LRP8: variants seen among roughly 807,000 people sequenced by gnomAD.
LRP8 encodes LDL receptor related protein 8.
In LRP8, 46 loss-of-function variants were observed where a neutral mutation model predicts 111.6. The ratio of observed to expected loss-of-function variants is 0.41; its 90% confidence interval spans 0.33 to 0.53. The LOEUF is 0.53. Ranked by LOEUF, LRP8 falls within the 20% of genes least tolerant of loss-of-function variation. The pLI is 0.20. For synonymous variants in LRP8, 464 were observed against 511.2 expected (o/e 0.91, Z 1.24); for missense variants, 959 against 1,297.4 (o/e 0.74, Z 4.01).
intron 2 of LRP8, 142 bp downstream of exon 2, chr1:53,326,731 G>C: frequency 7.3e-7 from 1 of 1,365,370 alleles, no homozygotes; most frequent in South Asian, 1.5e-5. Context: ...GCGGTGCCCA[G>C]GCGGTTTCCC....
intron 2 of LRP8, among the ~76,000 whole-genome samples, chr1:53,299,924 C>T (rs1479949234): frequency 1.3e-5 from 2 of 152,240 alleles, no homozygotes; most frequent in Admixed American, 1.3e-4. Flanking sequence ...CACCACCAGG[C>T]CCAGAGTGGG....
rs536807856 is a variant in LRP8 at position 53,276,865 on chromosome 1, C to A, written c.710G>T (p.Arg237Leu). The change falls in exon 5 of 19, where the codon CGC becomes CTC. Residue 237 changes from arginine (R) to leucine (L), a missense_variant. Coordinates refer to ENST00000306052, the MANE Select transcript of LRP8 (RefSeq NM_004631.5). ...VCDRQFDCED[R>L]SDEAAELCGR... Reference sequence around the variant, plus strand: ...GCAGAGCTCGGCTGCCTCGTCCGAGCGGTCCTCGCAGTCAAACTGGCGGTC... The same window carrying A: ...GCAGAGCTCGGCTGCCTCGTCCGAGAGGTCCTCGCAGTCAAACTGGCGGTC... 1 of 1,377,356 alleles carries A rather than the reference C, an allele frequency of 7.3e-7. No homozygotes were observed. The highest frequency in any genetic ancestry group is 9.4e-7 in the Non-Finnish European group (1 of 1,068,006). The allele number at this position is 1,377,356 out of a possible 1,614,324, so 85.3% of individuals were successfully genotyped here. A position where few individuals can be genotyped will look rare whatever the true frequency, so the allele number is the denominator to read the frequency against.
intron 2 of LRP8, among the ~76,000 whole-genome samples, chr1:53,326,583 C>T (rs1213203172): frequency 6.6e-6 from 1 of 151,648 alleles, no homozygotes; most frequent in African/African-American, 2.4e-5. Flanking sequence ...TCCCCGCCCA[C>T]AGCTCCGGTT....
chr1:53,255,056 C>G, intron 16 of LRP8, 61 bp downstream of exon 16: 1 of 1,568,774 alleles, frequency 6.4e-7, no homozygotes, highest in Non-Finnish European at 8.7e-7. Flanking sequence ...CCTGCTAGCG[C>G]TCTTCCCTAG....
rs1645692103 is a variant in LRP8 at position 53,244,590 on chromosome 1, TAGCATATGCAGGAAACATGAATGTC to T, written c.*2403_*2427del. 1 of 152,246 alleles carries T rather than the reference TAGCATATGCAGGAAACATGAATGTC, an allele frequency of 6.6e-6. No individual in the cohort carries two copies. Among genetic ancestry groups the T allele is most frequent in the South Asian group, 2.1e-4 (1 of 4,834 alleles). The allele number at this position is 152,246 out of a possible 1,614,324, so 9.4% of individuals were successfully genotyped here. A position where few individuals can be genotyped will look rare whatever the true frequency, so the allele number is the denominator to read the frequency against. On this transcript the variant is annotated 3_prime_UTR_variant, in exon 19 of 19. Coordinates refer to ENST00000306052, the MANE Select transcript of LRP8 (RefSeq NM_004631.5). ...TGCTGCCTCTTTCAAACTGCAGTTGTAGCATATGCAGGAAACATGAATGTCTCTGAGAAAAAGTTGTGAATTTCAT... is the reference window on the plus strand; with the variant it reads ...TGCTGCCTCTTTCAAACTGCAGTTGTTCTGAGAAAAAGTTGTGAATTTCAT...
Position 53,260,466 on chromosome 1 carries a change from C to T in LRP8, c.2054G>A (p.Arg685Lys). ...ACCTAGGACCAGAGACAGCTCACCT[C>T]TTGGCTGCTTCAGCTCATGGAAGAT... ...IVIFHELKQP[R>K]APDACELSVQ... Residue 685 changes from arginine to lysine, a missense_variant and splice_region_variant, in exon 13 of 19, where the codon AGA (arginine) becomes AAA (lysine). By Grantham distance (26) the Arg-to-Lys change is conservative. This residue lies in a region of LRP8 where 819 missense variants were observed against 1,097.6 expected (regional missense o/e 0.75). Coordinates refer to ENST00000306052, the MANE Select transcript of LRP8 (RefSeq NM_004631.5). 6.2e-7 allele frequency: 1 copy of T among 1,614,016 alleles called. No individual in the cohort carries two copies. The highest frequency in any genetic ancestry group is 1.1e-5 in the South Asian group (1 of 91,072).
At chr1:53,285,793 G>C (rs1008704293) in intron 3 of LRP8, among the ~76,000 whole-genome samples, 6 of 152,274 alleles carry the variant, frequency 3.9e-5, no homozygotes, top group Admixed American at 1.3e-4. Flanking sequence ...GCCCCCGGAG[G>C]GGACCATATG....
chr1:53,308,903 G>T (rs1251943091), intron 2 of LRP8, among the ~76,000 whole-genome samples: 1 of 152,180 alleles, frequency 6.6e-6, no homozygotes, highest in Admixed American at 6.5e-5. Flanking sequence ...ACGTGACCCT[G>T]GGTGTTTCCC....
chr1:53,264,126 G>C, intron 10 of LRP8, 43 bp downstream of exon 10: 4 of 1,575,812 alleles, frequency 2.5e-6, no homozygotes, highest in Non-Finnish European at 3.5e-6. Flanking sequence ...AGAGGACTGA[G>C]CACCTATGGT....
At chr1:53,306,755 C>T (rs1652041850) in intron 2 of LRP8, among the ~76,000 whole-genome samples, 1 of 152,228 alleles carries the variant, frequency 6.6e-6, no homozygotes, top group African/African-American at 2.4e-5. Context: ...ACCTCCTGGC[C>T]TGCTCCTCAG....
chr1:53,278,532 C>T (rs759820987), intron 4 of LRP8, among the ~76,000 whole-genome samples: 3 of 152,218 alleles, frequency 2.0e-5, no homozygotes, highest in Admixed American at 6.5e-5. Flanking sequence ...TCGTGTCATG[C>T]GTTTCTGACA....
intron 3 of LRP8, among the ~76,000 whole-genome samples, chr1:53,284,772 T>A (rs1317711870): frequency 1.3e-5 from 2 of 152,224 alleles, no homozygotes; most frequent in African/African-American, 4.8e-5. Flanking sequence ...CAGCAGTGCC[T>A]GATAACAGCC....
chr1:53,269,042 G>A (rs1464398330), intron 8 of LRP8, among the ~76,000 whole-genome samples: 1 of 152,154 alleles, frequency 6.6e-6, no homozygotes, highest in East Asian at 1.9e-4. Context: ...AGCCCTCAAT[G>A]GTTTCCCCCC....
rs1044422994 is a variant in LRP8 at position 53,303,870 on chromosome 1, G to A, written c.245-14181C>T. Among the ~76,000 whole-genome samples, 6 of 152,186 alleles carry A rather than the reference G, an allele frequency of 3.9e-5. No homozygotes were observed. The highest frequency in any genetic ancestry group is 6.5e-5 in the Admixed American group (1 of 15,280). ...GCCGTGCTGGCTGGAGGCTGAACACGTTCCTTCCTCTTGAACGGGGAGGGA... is the reference window on the plus strand; with the variant it reads ...GCCGTGCTGGCTGGAGGCTGAACACATTCCTTCCTCTTGAACGGGGAGGGA... On this transcript the variant is annotated intron_variant, in intron 2 of 18. Coordinates refer to ENST00000306052, the MANE Select transcript of LRP8 (RefSeq NM_004631.5). This position sits in a 1 kb window ranked among gnomAD's most constrained non-coding sequence, Gnocchi z 4.3.
intron 3 of LRP8, among the ~76,000 whole-genome samples, chr1:53,281,221 C>T (rs755906626): frequency 6.6e-6 from 1 of 152,222 alleles, no homozygotes; most frequent in Admixed American, 6.5e-5. Flanking sequence ...CCTCTAAGCC[C>T]CCTCCCCGAG....
Position 53,270,909 on chromosome 1 carries a change from G to A in LRP8, c.1252+119C>T, listed in dbSNP as rs1396466242. On this transcript the variant is annotated intron_variant, in intron 8 of 18. Coordinates refer to ENST00000306052, the MANE Select transcript of LRP8 (RefSeq NM_004631.5). ...GGACCGAGGATTCCCGTACCTCTCA[G>A]TAACACAACCTGCCTTCTTGTGTGT... The A allele has an allele frequency of 2.7e-6, 4 of 1,458,126 alleles. No individual in the cohort carries two copies. In the Admixed American group the frequency reaches 7.0e-5, roughly 26 times the overall value. 90.3% of individuals were successfully genotyped at this position (1,458,126 alleles called of 1,614,324 possible). A position where few individuals can be genotyped will look rare whatever the true frequency, so the allele number is the denominator to read the frequency against.
Position 53,258,455 on chromosome 1 carries a change from C to T in LRP8, c.2073G>A (p.Glu691=), listed in dbSNP as rs778264358. The T allele has an allele frequency of 3.0e-5, 49 of 1,613,922 alleles. No homozygotes were observed. Among genetic ancestry groups the T allele is most frequent in the Non-Finnish European group, 4.2e-5 (49 of 1,179,970 alleles). ...LKQPRAPDAC[E]LSVQPNGGCE... ...AGCCTCCATTAGGCTGGACACTCAGCTCACAGGCATCTGGAGCTAATGGCA... is the reference window on the plus strand; with the variant it reads ...AGCCTCCATTAGGCTGGACACTCAGTTCACAGGCATCTGGAGCTAATGGCA... The change falls in exon 14 of 19, where the codon GAG becomes GAA. Residue 691 remains glutamate (E), a synonymous_variant. Coordinates refer to ENST00000306052, the MANE Select transcript of LRP8 (RefSeq NM_004631.5).
At chr1:53,282,374 A>T (rs1397538394) in intron 3 of LRP8, among the ~76,000 whole-genome samples, 2 of 152,222 alleles carry the variant, frequency 1.3e-5, no homozygotes, top group African/African-American at 4.8e-5. Flanking sequence ...ATGGATGAGC[A>T]AATAACTGTC....
At chr1:53,323,109 T>C (rs923427977) in intron 2 of LRP8, among the ~76,000 whole-genome samples, 1 of 152,054 alleles carries the variant, frequency 6.6e-6, no homozygotes, top group Non-Finnish European at 1.5e-5. Flanking sequence ...CCTTAAGATG[T>C]CATCTCAAGA....
Sources: gnomAD v4.1 joint callset for allele counts (sites outside exome capture counted in the v4.1 genomes callset) on GRCh38, gnomAD v4.1.1 for gene constraint, gnomAD v4.1.1 regional missense constraint, Gnocchi (gnomAD v3.1) non-coding constraint, MANE v1.5 for transcripts, NCBI Gene and HGNC (gene_info 2026-07-23, HGNC 2026-07-21) for gene names.